TMEM181: variants seen among roughly 807,000 people sequenced by gnomAD.
TMEM181 encodes the protein G protein-coupled receptor 178.
TMEM181 carries 39 observed loss-of-function variants against 71.9 expected under a neutral mutation model. The ratio of observed to expected loss-of-function variants is 0.54; its 90% confidence interval spans 0.42 to 0.71. The LOEUF (loss-of-function observed/expected upper bound fraction) is 0.71. TMEM181 is among the 30% of genes least tolerant of loss of function. The probability of loss-of-function intolerance (pLI) is 0.00; values close to 1 mark genes in which losing one functional copy is unlikely to be tolerated. For synonymous variants in TMEM181, 245 were observed against 228.8 expected (o/e 1.07, Z -0.64); for missense variants, 595 against 583.0 (o/e 1.02, Z -0.21).
chr6:158,560,067 G>A (rs1330954268), upstream of TMEM181: 2 of 984,984 alleles, frequency 2.0e-6, no homozygotes, highest in East Asian at 1.1e-4. Flanking sequence ...TTCCGCGCAC[G>A]TGATCTCGGC....
intron 13 of TMEM181, 98 bp downstream of exon 13, chr6:158,625,852 C>T: frequency 9.0e-7 from 1 of 1,110,350 alleles, no homozygotes; most frequent in South Asian, 1.4e-5. Flanking sequence ...TTTCAGGGTA[C>T]TTCTAGCCCA....
At chr6:158,564,380 C>T (rs1463023517) in intron 1 of TMEM181, among the ~76,000 whole-genome samples, 5 of 152,202 alleles carry the variant, frequency 3.3e-5, no homozygotes, top group African/African-American at 7.2e-5. Flanking sequence ...TGTGTTTTCC[C>T]ACCTGTGAAA....
chr6:158,543,987 G>A (rs556641272), intron 1 of TMEM181, among the ~76,000 whole-genome samples: 5 of 152,278 alleles, frequency 3.3e-5, no homozygotes, highest in African/African-American at 7.2e-5. Flanking sequence ...TAGATCGGCC[G>A]CTGTGCTTAT....
chr6:158,626,932 A>ACCC (rs1562315744), intron 13 of TMEM181, among the ~76,000 whole-genome samples: 31 of 77,446 alleles, frequency 4.0e-4, no homozygotes, highest in African/African-American at 1.5e-3. Flanking sequence ...TCTCACCCTC[A>ACCC]TTCTCACCCT....
At chr6:158,590,334 A>G (rs1235391214) in intron 6 of TMEM181, among the ~76,000 whole-genome samples, 1 of 151,836 alleles carries the variant, frequency 6.6e-6, no homozygotes, top group Non-Finnish European at 1.5e-5. Flanking sequence ...TAGCTGCCTC[A>G]TAGAGCTGTG....
Position 158,631,958 on chromosome 6 carries a change from C to A in TMEM181, c.*70C>A. The A allele has an allele frequency of 3.7e-6, 5 of 1,362,364 alleles. No individual in the cohort carries two copies. In the South Asian group the frequency reaches 5.0e-5, roughly 14 times the overall value. 84.4% of individuals were successfully genotyped at this position (1,362,364 alleles called of 1,614,324 possible). On this transcript the variant is annotated 3_prime_UTR_variant, in exon 17 of 17. Transcript: ENST00000684151. ...CCCGGTGACCGTCTGCTGACCTTCC[C>A]CTGTTATATTCAGATTTTTCTTACA...
chr6:158,601,631 C>T (rs930660054), intron 6 of TMEM181, among the ~76,000 whole-genome samples: 5 of 151,728 alleles, frequency 3.3e-5, no homozygotes, highest in Admixed American at 6.6e-5. Context: ...TGGTGGCGTG[C>T]ACCTGTAGTC....
At chr6:158,618,214 T>G (rs1785729434) in intron 10 of TMEM181, among the ~76,000 whole-genome samples, 1 of 152,258 alleles carries the variant, frequency 6.6e-6, no homozygotes, top group African/African-American at 2.4e-5. Context: ...GTTGCATTGA[T>G]CCCTTTACCA....
rs759084467 is a variant in TMEM181 at position 158,536,648 on chromosome 6, G to C, written c.-87G>C. On this transcript the variant is annotated 5_prime_UTR_variant, in exon 1 of 17. Transcript: ENST00000367090. ...GTCCCGCCCAGCGCGCCAGCAGCCC[G>C]ATCCCCAGTGCTGGGAGAAGAGAGG... 2.5e-5 allele frequency: 37 copies of C among 1,474,812 alleles called. No homozygotes were observed. The South Asian group carries it at 4.7e-4, about 19-fold the overall frequency. The allele number at this position is 1,474,812 out of a possible 1,614,324, so 91.4% of individuals were successfully genotyped here. A position where few individuals can be genotyped will look rare whatever the true frequency, so the allele number is the denominator to read the frequency against.
At chr6:158,603,502 A>C (rs188303250) in intron 6 of TMEM181, among the ~76,000 whole-genome samples, 7 of 151,696 alleles carry the variant, frequency 4.6e-5, no homozygotes, top group Admixed American at 4.6e-4. Context: ...CCACGTGGCC[A>C]GTATTGGTCT....
At chr6:158,619,863 G>A (rs1233766721) in intron 10 of TMEM181, among the ~76,000 whole-genome samples, 2 of 99,600 alleles carry the variant, frequency 2.0e-5, no homozygotes, top group Non-Finnish European at 1.9e-5. Context: ...GCGAGACTCC[G>A]TCTCAAAAAA....
intron 1 of TMEM181, among the ~76,000 whole-genome samples, chr6:158,551,103 G>A (rs1026248389): frequency 1.3e-5 from 2 of 151,856 alleles, no homozygotes; most frequent in African/African-American, 4.8e-5. Flanking sequence ...GGGACTGCAG[G>A]CATGCACCAC....
Position 158,573,526 on chromosome 6 carries a change from A to G in TMEM181, c.112+3A>G. 1.9e-6 allele frequency: 3 copies of G among 1,599,298 alleles called. No individual in the cohort carries two copies. Among genetic ancestry groups the G allele is most frequent in the Non-Finnish European group, 1.7e-6 (2 of 1,173,118 alleles). ...GACCATCTTCGTTGGGATCAGAGGT[A>G]AGGTTCGGTTTTTACTCATTGAATC... is the stretch of plus-strand genomic sequence containing the variant. On this transcript the variant is annotated splice_donor_region_variant and intron_variant, in intron 2 of 16. Coordinates refer to ENST00000684151, the MANE Select transcript of TMEM181 (RefSeq NM_001376852.1).
intron 13 of TMEM181, chr6:158,626,773 C>CTCACTCACACCTCACTCATGCCT (rs6149884): frequency 0.063 from 28,848 of 455,520 alleles, 1,110 homozygotes; most frequent in East Asian, 0.097. Context: ...CACATAGAGG[C>CTCACTCACACCTCACTCATGCCT]TCACTCACAC....
intron 10 of TMEM181, chr6:158,621,697 G>C (rs934827680): frequency 2.6e-5 from 4 of 152,860 alleles, no homozygotes; most frequent in South Asian, 2.1e-4. Flanking sequence ...AGAGATGCCA[G>C]CGTGCTTTGG....
intron 6 of TMEM181, among the ~76,000 whole-genome samples, chr6:158,604,881 G>C (rs925238660): frequency 6.6e-6 from 1 of 152,064 alleles, no homozygotes; most frequent in African/African-American, 2.4e-5. Context: ...TGGTAATTAA[G>C]ATTTTTTTAT....
At chr6:158,590,674 G>A (rs903129363) in intron 6 of TMEM181, among the ~76,000 whole-genome samples, 1 of 152,208 alleles carries the variant, frequency 6.6e-6, no homozygotes, top group Non-Finnish European at 1.5e-5. Context: ...ATGTTGGCCA[G>A]GATGGTCTTG....
intron 2 of TMEM181, 103 bp downstream of exon 2, chr6:158,573,626 G>GCC (rs1340292941): frequency 3.1e-6 from 3 of 958,194 alleles, no homozygotes; most frequent in Non-Finnish European, 4.8e-6. Flanking sequence ...ACTGCTAAGG[G>GCC]CCCCAGCGTG....
intron 1 of TMEM181, among the ~76,000 whole-genome samples, chr6:158,538,125 TCCCCCGC>T (rs1459539801): frequency 1.4e-5 from 2 of 144,526 alleles, no homozygotes; most frequent in African/African-American, 2.6e-5. Context: ...TAGTCCCCCG[TCCCCCGC>T]CCCCTACTCT....
Sources: gnomAD v4.1 joint callset for allele counts (sites outside exome capture counted in the v4.1 genomes callset) on GRCh38, gnomAD v4.1.1 for gene constraint, MANE v1.5 for transcripts, NCBI Gene and HGNC (gene_info 2026-07-23, HGNC 2026-07-21) for gene names.